The following CD200 variants were observed in gnomAD, a reference collection of about 807,000 sequenced individuals.
The protein encoded by CD200 is CD200 molecule.
In CD200, 15 loss-of-function variants were observed where a neutral mutation model predicts 30.9. That is an observed-to-expected ratio of 0.49 (90% CI 0.32 to 0.75). CD200 has a LOEUF of 0.75. Ranked by LOEUF, CD200 falls within the 30% of genes least tolerant of loss-of-function variation. The pLI, the probability that CD200 is intolerant of heterozygous loss-of-function variation, is 0.03. For synonymous variants in CD200, 134 were observed against 126.2 expected, an observed-to-expected ratio of 1.06 and a Z score of -0.41; for missense variants, 262 against 324.2, an observed-to-expected ratio of 0.81 and a Z score of 1.47.
Position 112,350,009 on chromosome 3 carries a change from T to C in CD200, c.802+190T>C, listed in dbSNP as rs1271240369. The C allele has an allele frequency of 3.1e-6, 3 of 973,650 alleles. No homozygotes were observed. The South Asian group carries it at 1.4e-4, about 46-fold the overall frequency. The allele number at this position is 973,650 out of a possible 1,614,324, so 60.3% of individuals were successfully genotyped here. On this transcript the variant is annotated intron_variant, in intron 5 of 5. Transcript: ENST00000315711. Reference sequence around the variant, plus strand: ...ATTTTCTTGCAATTGGACATTAAATTGGACATTTCTGCTTTTTGTTTGCTA... The same window carrying C: ...ATTTTCTTGCAATTGGACATTAAATCGGACATTTCTGCTTTTTGTTTGCTA...
upstream of CD200, chr3:112,332,941 C>A: frequency 2.3e-5 from 12 of 515,354 alleles, no homozygotes; most frequent in Admixed American, 7.4e-5. Flanking sequence ...TTTTTCCAAA[C>A]ACTTTGTCAG....
At chr3:112,333,144 C>A, upstream of CD200, 1 of 1,544,748 alleles carries the variant, frequency 6.5e-7, no homozygotes, top group Non-Finnish European at 8.7e-7. Flanking sequence ...ACGCTCCTCC[C>A]GCCTGCCTAG....
chr3:112,335,928 G>A, intron 1 of CD200: 1 of 1,587,568 alleles, frequency 6.3e-7, no homozygotes, highest in Non-Finnish European at 8.7e-7. Flanking sequence ...TCATCTCATT[G>A]ATCTCAAACC....
At chr3:112,336,029 C>T in intron 1 of CD200, 1 of 1,566,978 alleles carries the variant, frequency 6.4e-7, no homozygotes, top group Non-Finnish European at 8.8e-7. Flanking sequence ...TAATTTTCTA[C>T]CCCTACCTAT....
rs2081742732 is a variant in CD200 at position 112,361,582 on chromosome 3, C to T, written c.*32C>T. ...CACACAGCACCCTGAAAGTGATTCCCTGGTCTACTTGAATTTGACACAAGA... is the reference window on the plus strand; with the variant it reads ...CACACAGCACCCTGAAAGTGATTCCTTGGTCTACTTGAATTTGACACAAGA... On this transcript the variant is annotated 3_prime_UTR_variant, in exon 6 of 6. Coordinates refer to ENST00000315711, the MANE Select transcript of CD200 (RefSeq NM_005944.7). The T allele has an allele frequency of 6.3e-7, 1 of 1,595,054 alleles. No homozygotes were observed. Among genetic ancestry groups the T allele is most frequent in the Non-Finnish European group, 8.6e-7 (1 of 1,162,674 alleles).
At chr3:112,340,616 T>A (rs1219750893) in intron 1 of CD200, among the ~76,000 whole-genome samples, 1 of 152,212 alleles carries the variant, frequency 6.6e-6, no homozygotes, top group Admixed American at 6.6e-5. Flanking sequence ...TGATCCTATG[T>A]CTTTGAGACC....
chr3:112,336,984 G>C (rs1199523713), intron 1 of CD200, among the ~76,000 whole-genome samples: 1 of 152,128 alleles, frequency 6.6e-6, no homozygotes, highest in Admixed American at 6.5e-5. Flanking sequence ...GCCTGCTTTA[G>C]TGCTATAATT....
At chr3:112,347,531 A>G in intron 3 of CD200, 27 bp from the exon 4 acceptor site, 3 of 1,610,610 alleles carry the variant, frequency 1.9e-6, no homozygotes, top group Non-Finnish European at 2.5e-6. Context: ...TTAACTGATA[A>G]CAGATCATAT....
At chr3:112,358,356 G>A (rs927794032) in intron 5 of CD200, among the ~76,000 whole-genome samples, 2 of 126,866 alleles carry the variant, frequency 1.6e-5, no homozygotes, top group South Asian at 2.6e-4. Flanking sequence ...AGCAGTCTTG[G>A]GAGAAATTTG....
chr3:112,360,073 A>G (rs1284166976), intron 5 of CD200, among the ~76,000 whole-genome samples: 1 of 152,172 alleles, frequency 6.6e-6, no homozygotes, highest in Non-Finnish European at 1.5e-5. Flanking sequence ...CATGTCTGTA[A>G]TCCCAGCACT....
intron 2 of CD200, among the ~76,000 whole-genome samples, chr3:112,341,440 AC>A (rs2081236584): frequency 6.6e-6 from 1 of 152,236 alleles, no homozygotes; most frequent in Non-Finnish European, 1.5e-5. Context: ...CTATTGTATA[AC>A]AAATTTGGTT....
chr3:112,349,604 A>G, intron 4 of CD200, 108 bp from the exon 5 acceptor site: 1 of 725,282 alleles, frequency 1.4e-6, no homozygotes, highest in Non-Finnish European at 2.2e-6. Flanking sequence ...GTATAAACCT[A>G]CATATGTATG....
intron 5 of CD200, among the ~76,000 whole-genome samples, chr3:112,359,405 A>G (rs1201563097): frequency 6.6e-6 from 1 of 152,234 alleles, no homozygotes; most frequent in Non-Finnish European, 1.5e-5. Context: ...CAAAATGCAT[A>G]GTCTCACCAC....
intron 3 of CD200, 29 bp from the exon 4 acceptor site, chr3:112,347,529 T>A: frequency 6.2e-7 from 1 of 1,610,220 alleles, no homozygotes; most frequent in Non-Finnish European, 8.5e-7. Context: ...GCTTAACTGA[T>A]AACAGATCAT....
At position 112,343,989 on chromosome 3, in the gene CD200, T is replaced by C. The variant is rs148185121; in HGVS notation, c.95-973T>C. ...CATTCTAGAATAATTTCATGGCCTG[T>C]TCTTACTTTTTACTAATTTACTCTT... is the stretch of plus-strand genomic sequence containing the variant. On this transcript the variant is annotated intron_variant, in intron 2 of 5. Transcript: ENST00000315711. Among the ~76,000 whole-genome samples, 1,019 of 152,316 alleles carry C rather than the reference T, an allele frequency of 6.7e-3. 14 individuals carry two copies. Among genetic ancestry groups the C allele is most frequent in the African/African-American group, 0.024 (979 of 41,560 alleles).
intron 5 of CD200, among the ~76,000 whole-genome samples, chr3:112,359,871 A>G (rs1242884556): frequency 6.6e-6 from 1 of 152,198 alleles, no homozygotes; most frequent in Non-Finnish European, 1.5e-5. Flanking sequence ...GGATAACTTG[A>G]AAAGGATACC....
chr3:112,348,506 G>A (rs1214784196), intron 4 of CD200, among the ~76,000 whole-genome samples: 2 of 152,216 alleles, frequency 1.3e-5, no homozygotes, highest in African/African-American at 4.8e-5. Flanking sequence ...GAGAATGACA[G>A]AGGAGAGAAT....
chr3:112,344,017 G>T (rs951435876), intron 2 of CD200, among the ~76,000 whole-genome samples: 2 of 151,972 alleles, frequency 1.3e-5, no homozygotes, highest in African/African-American at 4.8e-5. Flanking sequence ...TTACTCTTCA[G>T]TAGCATCTAT....
chr3:112,352,301 A>G (rs2081546959), intron 5 of CD200, among the ~76,000 whole-genome samples: 1 of 152,186 alleles, frequency 6.6e-6, no homozygotes, highest in African/African-American at 2.4e-5. Flanking sequence ...TTTTATTTCT[A>G]CCATTAACAA....
Sources: allele counts gnomAD v4.1 joint callset (sites outside exome capture counted in the v4.1 genomes callset), GRCh38; gene constraint gnomAD v4.1.1; transcripts MANE v1.5; gene names NCBI Gene and HGNC (gene_info 2026-07-23, HGNC 2026-07-21).